Variants in TATDN1 observed in about 807,000 individuals in gnomAD.
The protein encoded by TATDN1 is TatD DNase domain containing 1, also known as deoxyribonuclease TATDN1.
Under a neutral mutation model 46.4 loss-of-function variants are expected in TATDN1, and 40 were observed. That is an observed-to-expected ratio of 0.86 (90% CI 0.67 to 1.12). TATDN1 has a LOEUF of 1.12. TATDN1 is among the 50% of genes most tolerant of loss of function. The pLI is 0.00. For synonymous variants in TATDN1, 95 were observed against 105.6 expected, an observed-to-expected ratio of 0.90 and a Z score of 0.62; for missense variants, 326 against 348.4, an observed-to-expected ratio of 0.94 and a Z score of 0.51.
intron 6 of TATDN1, among the ~76,000 whole-genome samples, chr8:124,515,510 T>C (rs1819384969): frequency 6.6e-6 from 1 of 152,234 alleles, no homozygotes; most frequent in East Asian, 1.9e-4. Flanking sequence ...AACTCATCCC[T>C]AATTTCTACC....
At chr8:124,521,950 T>C (rs1820082886) in intron 3 of TATDN1, 1 of 424,020 alleles carries the variant, frequency 2.4e-6, no homozygotes. Context: ...ATAAAAACAA[T>C]ACATGAGATT....
intron 1 of TATDN1, among the ~76,000 whole-genome samples, chr8:124,524,935 G>A (rs547368483): frequency 6.6e-6 from 1 of 152,032 alleles, no homozygotes; most frequent in Admixed American, 6.6e-5. Flanking sequence ...GATGAGAAAG[G>A]TCTATAGGTC....
chr8:124,493,886 C>T lies in TATDN1; in HGVS notation c.738G>A (p.Lys246=). 4.3e-6 allele frequency: 7 copies of T among 1,611,950 alleles called. No individual in the cohort carries two copies. The highest frequency in any genetic ancestry group is 5.9e-6 in the Non-Finnish European group (7 of 1,179,852). The change falls in exon 11 of 12, where the codon AAG becomes AAA. Residue 246 remains lysine, a synonymous_variant. Coordinates refer to ENST00000276692, the MANE Select transcript of TATDN1 (RefSeq NM_032026.4). Reference sequence around the variant, plus strand: ...TTAAGCAGTGCCCACTTTCCCACTTCTTTTTGGTAGGAAATGCAGTTCTTA... The same window carrying T: ...TTAAGCAGTGCCCACTTTCCCACTTTTTTTTGGTAGGAAATGCAGTTCTTA... ...KYIRTAFPTK[K]KWESGHCLKD... is the part of the protein sequence containing the mutation.
chr8:124,513,223 C>T (rs1819184287), intron 6 of TATDN1, among the ~76,000 whole-genome samples: 1 of 151,882 alleles, frequency 6.6e-6, no homozygotes, highest in South Asian at 2.1e-4. Context: ...GTTTTTTTAA[C>T]CAAGTCATTT....
chr8:124,506,257 C>T (rs544573863), intron 8 of TATDN1, among the ~76,000 whole-genome samples: 2 of 137,100 alleles, frequency 1.5e-5, no homozygotes, highest in East Asian at 2.2e-4. Context: ...ATTGCTTGAA[C>T]TTGGAAGACA....
chr8:124,501,270 C>A (rs1817940445), intron 9 of TATDN1, among the ~76,000 whole-genome samples: 1 of 152,170 alleles, frequency 6.6e-6, no homozygotes, highest in Admixed American at 6.5e-5. Flanking sequence ...CAGCAGAGAA[C>A]ACAGGATCCC....
At chr8:124,494,319 A>G (rs1294480400) in intron 10 of TATDN1, 24 of 155,768 alleles carry the variant, frequency 1.5e-4, no homozygotes, top group Admixed American at 1.5e-3. Flanking sequence ...TGAGGTTTGC[A>G]TAAGTTAAAC....
At chr8:124,507,850 A>C (rs1410284728) in intron 8 of TATDN1, among the ~76,000 whole-genome samples, 1 of 152,090 alleles carries the variant, frequency 6.6e-6, no homozygotes, top group Non-Finnish European at 1.5e-5. Flanking sequence ...TTTCTTGTGA[A>C]TGGAATTCTG....
intron 8 of TATDN1, among the ~76,000 whole-genome samples, chr8:124,505,006 C>T (rs1231607893): frequency 6.6e-6 from 1 of 151,094 alleles, no homozygotes; most frequent in South Asian, 2.1e-4. Flanking sequence ...TCGCCCGCCT[C>T]GGCCTCCCAA....
chr8:124,526,013 A>C (rs1158938413), intron 1 of TATDN1, among the ~76,000 whole-genome samples: 1 of 152,224 alleles, frequency 6.6e-6, no homozygotes. Context: ...TGAGCTACAT[A>C]ATTACTTCTT....
chr8:124,537,279 T>A (rs960658102), intron 1 of TATDN1, among the ~76,000 whole-genome samples: 1 of 152,200 alleles, frequency 6.6e-6, no homozygotes, highest in Non-Finnish European at 1.5e-5. Flanking sequence ...TATTTAATTA[T>A]AAATAATGTG....
intron 10 of TATDN1, 71 bp from the exon 11 acceptor site, chr8:124,494,030 A>G (rs987446293): frequency 5.0e-6 from 7 of 1,410,932 alleles, no homozygotes; most frequent in Non-Finnish European, 5.7e-6. Context: ...ATTATCTAAT[A>G]TATAACCTCT....
chr8:124,513,726 A>G (rs527790535), intron 6 of TATDN1, among the ~76,000 whole-genome samples: 1 of 152,330 alleles, frequency 6.6e-6, no homozygotes, highest in African/African-American at 2.4e-5. Context: ...CTCATTTTGG[A>G]TGAAAAGTCA....
intron 8 of TATDN1, among the ~76,000 whole-genome samples, chr8:124,507,792 A>AC: frequency 6.6e-6 from 1 of 152,000 alleles, no homozygotes; most frequent in South Asian, 2.1e-4. Flanking sequence ...ACCAAAAAAA[A>AC]AAAAAAACAA....
chr8:124,528,736 A>G lies in TATDN1; in HGVS notation c.23-5734T>C, dbSNP rs184373070. Among the ~76,000 whole-genome samples, 281 of 152,332 alleles carry G rather than the reference A, an allele frequency of 1.8e-3. 4 individuals are homozygous for G. The East Asian group carries it at 0.019, about 10-fold the overall frequency. On this transcript the variant is annotated intron_variant, in intron 1 of 11. Transcript: ENST00000276692. ...ACTGACTTGTCCCAGAGGCGGCAACAGGCACAACCCAGACCCAGGAAAAGT... is the reference window on the plus strand; with the variant it reads ...ACTGACTTGTCCCAGAGGCGGCAACGGGCACAACCCAGACCCAGGAAAAGT...
At chr8:124,514,629 GT>G (rs1242189322) in intron 6 of TATDN1, among the ~76,000 whole-genome samples, 2 of 152,150 alleles carry the variant, frequency 1.3e-5, no homozygotes, top group Non-Finnish European at 2.9e-5. Context: ...TCAGTCTAAT[GT>G]TTTATCATTT....
intron 1 of TATDN1, among the ~76,000 whole-genome samples, chr8:124,528,490 C>T (rs1329392589): frequency 6.6e-6 from 1 of 151,992 alleles, no homozygotes; most frequent in African/African-American, 2.4e-5. Context: ...GTTTCTATTT[C>T]ACCTGAAGTA....
intron 4 of TATDN1, among the ~76,000 whole-genome samples, chr8:124,517,766 T>C (rs546376843): frequency 6.6e-6 from 1 of 152,324 alleles, no homozygotes; most frequent in East Asian, 1.9e-4. Context: ...TATAGTGTTA[T>C]TATTTGCATT....
chr8:124,494,182 T>C (rs905939404), intron 10 of TATDN1: 2 of 347,564 alleles, frequency 5.8e-6, no homozygotes, highest in East Asian at 4.9e-5. Flanking sequence ...TCTGCTAACA[T>C]TGTTGGTGTG....
Sources: gnomAD v4.1 joint callset for allele counts (sites outside exome capture counted in the v4.1 genomes callset) on GRCh38, gnomAD v4.1.1 for gene constraint, MANE v1.5 for transcripts, NCBI Gene and HGNC (gene_info 2026-07-23, HGNC 2026-07-21) for gene names.